PER2: variants seen among roughly 807,000 people sequenced by gnomAD.
PER2 encodes period circadian regulator 2.
In PER2, 66 loss-of-function variants were observed where a neutral mutation model predicts 121.0. That is an observed-to-expected ratio of 0.55 (90% confidence interval 0.45 to 0.67). PER2 has a LOEUF of 0.67. Ranked by LOEUF, PER2 falls within the 30% of genes least tolerant of loss-of-function variation. The probability of loss-of-function intolerance (pLI) is 0.00; values close to 1 mark genes in which losing one functional copy is unlikely to be tolerated. For synonymous variants in PER2, 684 were observed against 659.9 expected (o/e 1.04, Z -0.56); for missense variants, 1,521 against 1,635.0 (o/e 0.93, Z 1.20).
At chr2:238,276,750 T>C (rs1226075770) in intron 3 of PER2, among the ~76,000 whole-genome samples, 1 of 152,058 alleles carries the variant, frequency 6.6e-6, no homozygotes, top group Non-Finnish European at 1.5e-5. Context: ...CAATGCAAAG[T>C]GCCCACATGC....
intron 22 of PER2, 73 bp from the exon 23 acceptor site, chr2:238,246,597 C>G: frequency 8.8e-7 from 1 of 1,133,304 alleles, no homozygotes; most frequent in Non-Finnish European, 1.3e-6. Flanking sequence ...TTCAAATTGG[C>G]CGGGCGCGGT....
chr2:238,252,303 C>G lies in PER2; in HGVS notation c.3112-542G>C, dbSNP rs1476113244. Among the ~76,000 whole-genome samples the G allele has an allele frequency of 2.6e-5, 4 of 152,260 alleles. No individual in the cohort carries two copies. Among genetic ancestry groups the G allele is most frequent in the Non-Finnish European group, 5.9e-5 (4 of 68,048 alleles). Reference sequence around the variant, plus strand: ...ACTTCCTCACCCGGGAGCCCTAGGTCCTCTGGCCAAGGCAGGGAATCGCCT... The same window carrying G: ...ACTTCCTCACCCGGGAGCCCTAGGTGCTCTGGCCAAGGCAGGGAATCGCCT... On this transcript the variant is annotated intron_variant, in intron 19 of 22. Transcript: ENST00000254657. The surrounding 1 kb of genome is among the most constrained non-coding windows in gnomAD (Gnocchi z 4.2).
rs555709631 is a variant in PER2 at position 238,253,086 on chromosome 2, CGGTGGGGAGGCCCTACCCATGGCCGAT to C, written c.2910_2936del (p.Ser971_Pro979del). On this transcript the variant is annotated inframe_deletion, in exon 19 of 23. Coordinates refer to ENST00000254657, the MANE Select transcript of PER2 (RefSeq NM_022817.3). The surrounding 1 kb of genome is among the most constrained non-coding windows in gnomAD (Gnocchi z 5.6). ...GCGAGCTGCTGCGGGACTGAAAGAG[CGGTGGGGAGGCCCTACCCATGGCCGAT>C]GGTGGGGTGGCCCGGGTGGCTGGAC... The C allele has an allele frequency of 1.9e-4, 307 of 1,611,398 alleles. 3 individuals carry two copies. In the South Asian group the frequency reaches 2.8e-3, roughly 14 times the overall value.
chr2:238,291,588 A>T (rs1696950759), upstream of PER2, among the ~76,000 whole-genome samples: 1 of 152,178 alleles, frequency 6.6e-6, no homozygotes, highest in Admixed American at 6.5e-5. Flanking sequence ...AAAGAGATGG[A>T]GGGGACACTG....
intron 9 of PER2, among the ~76,000 whole-genome samples, chr2:238,264,409 CAT>C (rs537725457): frequency 1.6e-4 from 24 of 152,300 alleles, no homozygotes; most frequent in Non-Finnish European, 2.6e-4. Flanking sequence ...CCTTTTTACC[CAT>C]AGAGCCTCCC....
At chr2:238,279,685 G>C (rs1236483673) in intron 1 of PER2, among the ~76,000 whole-genome samples, 1 of 152,192 alleles carries the variant, frequency 6.6e-6, no homozygotes, top group Non-Finnish European at 1.5e-5. Flanking sequence ...TTCCCATCTA[G>C]CTCTGGGAGA....
intron 16 of PER2, among the ~76,000 whole-genome samples, chr2:238,257,727 G>A (rs1252983744): frequency 6.6e-6 from 1 of 152,228 alleles, no homozygotes; most frequent in African/African-American, 2.4e-5. Flanking sequence ...ACCCACCTCG[G>A]CCTCCCAAAG....
chr2:238,290,535 T>C (rs1696932322), upstream of PER2, among the ~76,000 whole-genome samples: 1 of 152,226 alleles, frequency 6.6e-6, no homozygotes, highest in African/African-American at 2.4e-5. Context: ...TCCCTAAATG[T>C]AGCCTTTTTT....
At chr2:238,264,342 TGCCCCAGGCA>T (rs1219066459) in intron 9 of PER2, among the ~76,000 whole-genome samples, 1 of 152,240 alleles carries the variant, frequency 6.6e-6, no homozygotes, top group East Asian at 1.9e-4. Context: ...AAACTGGCTC[TGCCCCAGGCA>T]GCCCCGCGGA....
chr2:238,282,199 C>T (rs1696649717), intron 1 of PER2, among the ~76,000 whole-genome samples: 1 of 152,228 alleles, frequency 6.6e-6, no homozygotes, highest in African/African-American at 2.4e-5. Flanking sequence ...CAGCCCCAGC[C>T]CTGTGTGCTC....
At chr2:238,271,220 G>C in intron 6 of PER2, 92 bp downstream of exon 6, 1 of 1,124,382 alleles carries the variant, frequency 8.9e-7, no homozygotes, top group Non-Finnish European at 1.4e-6. Context: ...TGAAAGGTGA[G>C]GCAGGGCGCC....
At chr2:238,267,855 C>G (rs969609334) in intron 8 of PER2, among the ~76,000 whole-genome samples, 8 of 152,164 alleles carry the variant, frequency 5.3e-5, no homozygotes, top group African/African-American at 1.9e-4. Context: ...ATGCCGTGAT[C>G]TGCCATGGGC....
In PER2 at chr2:238,268,348, C is replaced by T. The variant is rs1010952362; in HGVS notation, c.825-150G>A. 23 of 791,882 alleles carry T rather than the reference C, an allele frequency of 2.9e-5. No homozygotes were observed. Among genetic ancestry groups the T allele is most frequent in the African/African-American group, 6.8e-5 (4 of 58,898 alleles). 49.1% of individuals were successfully genotyped at this position (791,882 alleles called of 1,614,324 possible). On this transcript the variant is annotated intron_variant, in intron 7 of 22. Coordinates refer to ENST00000254657, the MANE Select transcript of PER2 (RefSeq NM_022817.3). The surrounding 1 kb of genome is among the most constrained non-coding windows in gnomAD (Gnocchi z 4.0). ...AGCTGGGCCTGCCCCCTGCCCTCTT[C>T]GGTCCCTCCCTCAGTCCCATCATAC...
chr2:238,269,558 A>C (rs1487111890), intron 6 of PER2, among the ~76,000 whole-genome samples: 2 of 126,714 alleles, frequency 1.6e-5, no homozygotes, highest in African/African-American at 3.4e-5. Context: ...ACCAACCTGC[A>C]ACTGAACACA....
intron 1 of PER2, among the ~76,000 whole-genome samples, chr2:238,282,245 G>A (rs558778911): frequency 1.3e-5 from 2 of 152,240 alleles, no homozygotes; most frequent in South Asian, 2.1e-4. Flanking sequence ...GCTCCCTCGT[G>A]CCCACAGCCC....
intron 16 of PER2, among the ~76,000 whole-genome samples, chr2:238,257,465 A>G (rs758094159): frequency 1.6e-4 from 25 of 152,138 alleles, no homozygotes; most frequent in Non-Finnish European, 3.2e-4. Flanking sequence ...AATCCGGGAT[A>G]CCCTGTTTCT....
chr2:238,279,272 G>C (rs1434050954), intron 1 of PER2, among the ~76,000 whole-genome samples: 1 of 152,174 alleles, frequency 6.6e-6, no homozygotes, highest in Non-Finnish European at 1.5e-5. Flanking sequence ...ACAGCTGTGA[G>C]GCTCTGGGGT....
chr2:238,292,080 G>A (rs1696959429), upstream of PER2, among the ~76,000 whole-genome samples: 1 of 152,180 alleles, frequency 6.6e-6, no homozygotes, highest in Non-Finnish European at 1.5e-5. Flanking sequence ...ATCCCTTGAG[G>A]CCAGGAGTTC....
chr2:238,289,906 G>A (rs757914971), upstream of PER2: 7 of 152,278 alleles, frequency 4.6e-5, no homozygotes, highest in Non-Finnish European at 7.3e-5. Flanking sequence ...TACAGGACAG[G>A]AAGGAGCTTT....
Sources: gnomAD v4.1 joint callset for allele counts (sites outside exome capture counted in the v4.1 genomes callset) on GRCh38, gnomAD v4.1.1 for gene constraint, Gnocchi (gnomAD v3.1) non-coding constraint, MANE v1.5 for transcripts, NCBI Gene and HGNC (gene_info 2026-07-23, HGNC 2026-07-21) for gene names.